PPP2R3B: variants seen among roughly 807,000 people sequenced by gnomAD.
PPP2R3B encodes serine/threonine-protein phosphatase 2A regulatory subunit B'' subunit beta.
PPP2R3B carries 68 observed loss-of-function variants against 72.9 expected under a neutral mutation model. The observed-to-expected ratio is 0.93, with a 90% CI of 0.77 to 1.14. PPP2R3B has a LOEUF of 1.14. Among genes scored for constraint, PPP2R3B ranks in the 50% most tolerant of loss-of-function variants. The pLI is 0.00. For missense variants in PPP2R3B, 1,018 were observed against 842.0 expected, an observed-to-expected ratio of 1.21 and a Z score of -2.59; for synonymous variants, 466 against 375.8, an observed-to-expected ratio of 1.24 and a Z score of -2.78.
intron 1 of PPP2R3B, among the ~76,000 whole-genome samples, chrX:369,128 G>A (rs1603113833): frequency 6.6e-6 from 1 of 152,318 alleles, no homozygotes; most frequent in East Asian, 1.9e-4. Context: ...GGAATCACAG[G>A]GACTGCTGCC....
Position 345,787 on chromosome X carries a change from G to C in PPP2R3B, c.880-115C>G, listed in dbSNP as rs922540788. ...AGGGTCGGGGCCGCTCCGTGGGTGG[G>C]GGGGACTGGGCAGCTGGGGCCGGGG... is the stretch of plus-strand genomic sequence containing the variant. On this transcript the variant is annotated intron_variant, in intron 6 of 12. Transcript: ENST00000390665. 4.9e-4 allele frequency: 556 copies of C among 1,123,616 alleles called. 13 individuals are homozygous for C. Among genetic ancestry groups the C allele is most frequent in the Middle Eastern group, 4.1e-3 (13 of 3,134 alleles). 69.6% of individuals were successfully genotyped at this position (1,123,616 alleles called of 1,614,324 possible).
At chrX:375,943 C>T (rs1452624443) in intron 1 of PPP2R3B, among the ~76,000 whole-genome samples, 1 of 152,132 alleles carries the variant, frequency 6.6e-6, no homozygotes, top group Admixed American at 6.5e-5. Context: ...CCTGTAATCC[C>T]AGCACTTTGG....
intron 1 of PPP2R3B, 37 bp downstream of exon 1, chrX:386,331 A>C: frequency 7.8e-7 from 1 of 1,288,750 alleles, no homozygotes; most frequent in Non-Finnish European, 9.9e-7. Context: ...GACCAGAGCC[A>C]CCTGCGCAGT....
intron 1 of PPP2R3B, among the ~76,000 whole-genome samples, chrX:377,786 T>C (rs1427360885): frequency 7.7e-6 from 1 of 130,484 alleles, no homozygotes; most frequent in Non-Finnish European, 1.6e-5. Context: ...GGACGGGCCG[T>C]CCACACCCAG....
Position 364,657 on chromosome X carries a change from G to A in PPP2R3B, c.325-3067C>T, listed in dbSNP as rs1471442887. 5.4e-4 allele frequency among the ~76,000 whole-genome samples: 71 copies of A among 131,748 alleles called. 1 individual carries two copies. Among genetic ancestry groups the A allele is most frequent in the Admixed American group, 8.4e-4 (11 of 13,106 alleles). The allele number at this position is 131,748 out of a possible 152,430, so 86.4% of individuals were successfully genotyped here. A position where few individuals can be genotyped will look rare whatever the true frequency, so the allele number is the denominator to read the frequency against. ...CGCTTCAACACAGGAGGCGGAGGTTGCAGTGAGCTGAGATCGCACCACTGC... is the reference window on the plus strand; with the variant it reads ...CGCTTCAACACAGGAGGCGGAGGTTACAGTGAGCTGAGATCGCACCACTGC... On this transcript the variant is annotated intron_variant, in intron 1 of 12. Coordinates refer to ENST00000390665, the MANE Select transcript of PPP2R3B (RefSeq NM_013239.5).
intron 1 of PPP2R3B, among the ~76,000 whole-genome samples, chrX:370,921 C>T (rs1357999156): frequency 6.6e-6 from 1 of 152,108 alleles, no homozygotes; most frequent in Admixed American, 6.5e-5. Context: ...AGGGTCTGTG[C>T]GTCCACCCGA....
rs1014247705 is a variant in PPP2R3B at position 338,415 on chromosome X, G to C, written c.1577+189C>G. On this transcript the variant is annotated intron_variant, in intron 12 of 12. Coordinates refer to ENST00000390665, the MANE Select transcript of PPP2R3B (RefSeq NM_013239.5). Reference sequence around the variant, plus strand: ...GCAGACTGCACCGAGGCCCGGCCCTGTCATCGGCTGTCCTTACCTCACCGG... The same window carrying C: ...GCAGACTGCACCGAGGCCCGGCCCTCTCATCGGCTGTCCTTACCTCACCGG... 2.3e-4 allele frequency: 145 copies of C among 638,688 alleles called. 6 individuals carry two copies. The highest frequency in any genetic ancestry group is 1.7e-3 in the South Asian group (96 of 55,146). The allele number at this position is 638,688 out of a possible 1,614,324, so 39.6% of individuals were successfully genotyped here. A position where few individuals can be genotyped will look rare whatever the true frequency, so the allele number is the denominator to read the frequency against.
In PPP2R3B at chrX:334,264, C is replaced by A. The variant is rs764092405; in HGVS notation, c.*103G>T. 11 of 1,262,722 alleles carry A rather than the reference C, an allele frequency of 8.7e-6. No individual in the cohort carries two copies. In the South Asian group the frequency reaches 1.5e-4, roughly 18 times the overall value. 78.2% of individuals were successfully genotyped at this position (1,262,722 alleles called of 1,614,324 possible). A position where few individuals can be genotyped will look rare whatever the true frequency, so the allele number is the denominator to read the frequency against. ...GTGAATAAATAAAAGTTTATCATTC[C>A]GTACAAACGCACTCATTTTCCACAA... On this transcript the variant is annotated 3_prime_UTR_variant, in exon 13 of 13. Coordinates refer to ENST00000390665, the MANE Select transcript of PPP2R3B (RefSeq NM_013239.5).
chrX:363,563 T>TTC (rs1334590084), intron 1 of PPP2R3B, among the ~76,000 whole-genome samples: 7 of 140,722 alleles, frequency 5.0e-5, no homozygotes, highest in African/African-American at 1.4e-4. Context: ...GCAGTGCATC[T>TTC]CCATGAGTCC....
At chrX:358,989 G>A (rs747603464) in intron 2 of PPP2R3B, among the ~76,000 whole-genome samples, 38 of 151,964 alleles carry the variant, frequency 2.5e-4, no homozygotes, top group African/African-American at 8.0e-4. Flanking sequence ...CACCGCGGCC[G>A]GGGAGGGGCA....
intron 1 of PPP2R3B, among the ~76,000 whole-genome samples, chrX:368,819 G>A (rs1462924826): frequency 4.9e-5 from 5 of 102,606 alleles, no homozygotes; most frequent in African/African-American, 8.5e-5. Flanking sequence ...GGGCACTGAC[G>A]GGGGGAAGGC....
Position 334,703 on chromosome X carries a change from C to T in PPP2R3B, c.1578-186G>A, listed in dbSNP as rs1367582155. The T allele has an allele frequency of 8.8e-6, 6 of 684,994 alleles. No homozygotes were observed. The South Asian group carries it at 1.4e-4, about 16-fold the overall frequency. The allele number at this position is 684,994 out of a possible 1,614,324, so 42.4% of individuals were successfully genotyped here. A position where few individuals can be genotyped will look rare whatever the true frequency, so the allele number is the denominator to read the frequency against. On this transcript the variant is annotated intron_variant, in intron 12 of 12. Coordinates refer to ENST00000390665, the MANE Select transcript of PPP2R3B (RefSeq NM_013239.5). ...GAGGACGCCGGCTCCACGAATGCTC[C>T]CGGGGGAGGGGCCTGCGGTGCAGGT...
At chrX:346,559 C>T (rs1182235722) in intron 5 of PPP2R3B, 142 bp downstream of exon 5, 2 of 813,876 alleles carry the variant, frequency 2.5e-6, no homozygotes, top group African/African-American at 1.8e-5. Context: ...CGGGTGGAGA[C>T]TCTCCCAGAG....
chrX:364,554 A>G (rs2071651006), intron 1 of PPP2R3B, among the ~76,000 whole-genome samples: 2 of 151,756 alleles, frequency 1.3e-5, no homozygotes, highest in South Asian at 4.1e-4. Context: ...AAAAACAAAA[A>G]GAGTATAAAA....
At chrX:346,460 C>T (rs1485227886) in intron 5 of PPP2R3B, 200 bp from the exon 6 acceptor site, 16 of 630,676 alleles carry the variant, frequency 2.5e-5, no homozygotes, top group Non-Finnish European at 4.0e-5. Context: ...TGGCCGGGGA[C>T]GCCCCGGAGC....
intron 7 of PPP2R3B, among the ~76,000 whole-genome samples, chrX:344,574 C>T (rs928956862): frequency 1.2e-4 from 19 of 152,222 alleles, no homozygotes; most frequent in South Asian, 6.2e-4. Context: ...CGCGCCGGGC[C>T]GGGGGTTCAC....
intron 12 of PPP2R3B, chrX:337,360 G>A (rs34067140): frequency 0.23 from 34,922 of 152,166 alleles, 4,987 homozygotes; most frequent in South Asian, 0.36. Flanking sequence ...GATGACAGGC[G>A]TGAGCCACCG....
At chrX:346,454 C>CG in intron 5 of PPP2R3B, 194 bp from the exon 6 acceptor site, 1 of 639,740 alleles carries the variant, frequency 1.6e-6, no homozygotes, top group Admixed American at 3.1e-5. Context: ...AGGGTCTGGC[C>CG]GGGGACGCCC....
Position 340,864 on chromosome X carries a change from C to T in PPP2R3B, c.1252G>A (p.Glu418Lys), listed in dbSNP as rs200553920. The change falls in exon 10 of 13, where the codon GAG becomes AAG. Residue 418 changes from glutamate (E) to lysine (K), a missense_variant. Coordinates refer to ENST00000390665, the MANE Select transcript of PPP2R3B (RefSeq NM_013239.5). ...LSMFELEYFYEEQCRRLDSMA... is the reference protein window; with the variant it reads ...LSMFELEYFYKEQCRRLDSMA... Reference sequence around the variant, plus strand: ...CTGTCCAGCCTTCGGCACTGCTCCTCGTAGAAGTACTCGAGCTCGAACATG... The same window carrying T: ...CTGTCCAGCCTTCGGCACTGCTCCTTGTAGAAGTACTCGAGCTCGAACATG... The T allele has an allele frequency of 1.6e-5, 26 of 1,612,020 alleles. No individual in the cohort carries two copies. The highest frequency in any genetic ancestry group is 5.0e-5 in the Admixed American group (3 of 59,986).
Sources: gnomAD v4.1 joint callset for allele counts (sites outside exome capture counted in the v4.1 genomes callset) on GRCh38, gnomAD v4.1.1 for gene constraint, MANE v1.5 for transcripts, NCBI Gene and HGNC (gene_info 2026-07-23, HGNC 2026-07-21) for gene names.